IL1RAPL1: variants seen among roughly 807,000 people sequenced by gnomAD.
The protein encoded by IL1RAPL1 is interleukin-1 receptor accessory protein-like 1.
In IL1RAPL1, 3 loss-of-function variants were observed where a neutral mutation model predicts 48.4. The observed-to-expected ratio is 0.06, with a 90% CI of 0.03 to 0.16. IL1RAPL1 has a LOEUF of 0.16. Ranked by LOEUF, IL1RAPL1 falls within the 10% of genes least tolerant of loss-of-function variation. The pLI is 1.00. For missense variants in IL1RAPL1, 349 were observed against 530.6 expected, an observed-to-expected ratio of 0.66 and a Z score of 3.36; for synonymous variants, 185 against 187.7, an observed-to-expected ratio of 0.99 and a Z score of 0.12.
At chrX:29,736,454 A>G (rs540202278) in intron 6 of IL1RAPL1, among the ~76,000 whole-genome samples, 54 of 112,308 alleles carry the variant, frequency 4.8e-4, no homozygotes, top group African/African-American at 1.6e-3. Context: ...GGCTGGGCGC[A>G]GTGGCTCACA....
intron 8 of IL1RAPL1, among the ~76,000 whole-genome samples, chrX:29,927,220 G>A (rs1269674683): frequency 8.9e-6 from 1 of 112,025 alleles, no homozygotes; most frequent in African/African-American, 3.2e-5. Context: ...TCTGTGGACC[G>A]CAGCTGGCAT....
chrX:29,858,472 C>CA (rs1931518084), intron 6 of IL1RAPL1, among the ~76,000 whole-genome samples: 2 of 111,119 alleles, frequency 1.8e-5, no homozygotes, highest in African/African-American at 6.5e-5. Context: ...TGAAAAAGCC[C>CA]AATGCCAGCC....
At chrX:28,788,117 T>C (rs1445463102) in intron 1 of IL1RAPL1, among the ~76,000 whole-genome samples, 1 of 111,726 alleles carries the variant, frequency 9.0e-6, no homozygotes, top group Non-Finnish European at 1.9e-5. Flanking sequence ...ATTGTATACT[T>C]AAAATTTTTT....
At chrX:29,621,585 G>A (rs1474611324) in intron 5 of IL1RAPL1, among the ~76,000 whole-genome samples, 1 of 111,163 alleles carries the variant, frequency 9.0e-6, no homozygotes, top group Non-Finnish European at 1.9e-5. Flanking sequence ...ACTTATGGGA[G>A]AAGTGTAGAT....
intron 6 of IL1RAPL1, among the ~76,000 whole-genome samples, chrX:29,736,327 C>T (rs947270523): frequency 8.9e-6 from 1 of 112,117 alleles, no homozygotes. Context: ...GATTTCAAGA[C>T]CAGCCTGGGC....
intron 2 of IL1RAPL1, among the ~76,000 whole-genome samples, chrX:28,993,716 G>A (rs1925665463): frequency 8.9e-6 from 1 of 112,090 alleles, no homozygotes; most frequent in Non-Finnish European, 1.9e-5. Context: ...GTGATTATTA[G>A]CTGGTAGTGA....
chrX:28,613,290 G>A (rs1306516507), intron 1 of IL1RAPL1, among the ~76,000 whole-genome samples: 2 of 112,506 alleles, frequency 1.8e-5, no homozygotes, highest in African/African-American at 6.5e-5. Flanking sequence ...TGTTTGTCCT[G>A]TGTATCAGAT....
chrX:29,144,987 C>T (rs1414590696), intron 2 of IL1RAPL1, among the ~76,000 whole-genome samples: 1 of 110,512 alleles, frequency 9.0e-6, no homozygotes, highest in Non-Finnish European at 1.9e-5. Flanking sequence ...CCTTGACCTC[C>T]TAAAGTGCTG....
At chrX:29,264,435 T>G (rs1201912157) in intron 2 of IL1RAPL1, among the ~76,000 whole-genome samples, 1 of 110,627 alleles carries the variant, frequency 9.0e-6, no homozygotes. Flanking sequence ...AAGAAAGCAT[T>G]ATCAGAAGTG....
chrX:28,854,314 A>T (rs1921746763), intron 2 of IL1RAPL1, among the ~76,000 whole-genome samples: 1 of 111,800 alleles, frequency 8.9e-6, no homozygotes, highest in African/African-American at 3.2e-5. Context: ...GCATAAAAAG[A>T]GGAAGAATAA....
chrX:28,934,294 C>T (rs911926658), intron 2 of IL1RAPL1, among the ~76,000 whole-genome samples: 7 of 111,444 alleles, frequency 6.3e-5, no homozygotes, highest in African/African-American at 2.0e-4. Flanking sequence ...TATCTAAAAG[C>T]GATCTTGAAA....
chrX:29,238,803 A>G (rs1020755142), intron 2 of IL1RAPL1, among the ~76,000 whole-genome samples: 1 of 112,439 alleles, frequency 8.9e-6, no homozygotes, highest in Non-Finnish European at 1.9e-5. Context: ...TTTCAGGTAC[A>G]CTGTCAATTG....
At chrX:29,165,481 G>A (rs1929770259) in intron 2 of IL1RAPL1, among the ~76,000 whole-genome samples, 1 of 111,690 alleles carries the variant, frequency 9.0e-6, no homozygotes, top group Non-Finnish European at 1.9e-5. Context: ...CTAGCACATT[G>A]TTTTAGTTTA....
chrX:29,321,783 A>C (rs932506775), intron 3 of IL1RAPL1, among the ~76,000 whole-genome samples: 2 of 111,572 alleles, frequency 1.8e-5, no homozygotes, highest in Non-Finnish European at 3.8e-5. Context: ...TGCATATTTT[A>C]GGGACGCTTG....
intron 1 of IL1RAPL1, among the ~76,000 whole-genome samples, chrX:28,735,307 A>T (rs912727596): frequency 2.8e-5 from 3 of 107,025 alleles, no homozygotes; most frequent in African/African-American, 1.0e-4. Context: ...TCTATAGAGT[A>T]TTTTTTTTTT....
At chrX:29,228,891 C>G (rs1931141269) in intron 2 of IL1RAPL1, among the ~76,000 whole-genome samples, 1 of 111,312 alleles carries the variant, frequency 9.0e-6, no homozygotes, top group African/African-American at 3.3e-5. Context: ...ATTTCAAGGA[C>G]TTCTTTCCTG....
At chrX:29,366,008 T>TAC (rs1421141478) in intron 3 of IL1RAPL1, among the ~76,000 whole-genome samples, 1 of 95,132 alleles carries the variant, frequency 1.1e-5, no homozygotes, top group Non-Finnish European at 2.0e-5. Context: ...GCCACTGCAC[T>TAC]ACACACTCCA....
rs1280176788 is a variant in IL1RAPL1 at position 28,734,114 on chromosome X, T to G, written c.-24-55206T>G. On this transcript the variant is annotated intron_variant, in intron 1 of 10. Transcript: ENST00000378993. ...GATGGTGACCATTTCTTACCACCTC[T>G]GCTGCTACAACCCTACTTTAAGTCA... is the stretch of plus-strand genomic sequence containing the variant. Among the ~76,000 whole-genome samples the G allele has an allele frequency of 1.3e-4, 15 of 111,592 alleles. No individual in the cohort carries two copies. The Admixed American group carries it at 1.3e-3, about 10-fold the overall frequency.
intron 3 of IL1RAPL1, among the ~76,000 whole-genome samples, chrX:29,356,269 C>G (rs1933300764): frequency 1.2e-5 from 1 of 80,885 alleles, no homozygotes; most frequent in Non-Finnish European, 2.5e-5. Flanking sequence ...TGCCCTTATA[C>G]CTACGACACT....
Sources: allele counts gnomAD v4.1 joint callset (sites outside exome capture counted in the v4.1 genomes callset), GRCh38; gene constraint gnomAD v4.1.1; transcripts MANE v1.5; gene names NCBI Gene and HGNC (gene_info 2026-07-23, HGNC 2026-07-21).